Variants in FRAS1 observed in about 807,000 individuals in gnomAD.
The protein encoded by FRAS1 is Fraser extracellular matrix complex subunit 1.
FRAS1 carries 290 observed loss-of-function variants against 435.2 expected under a neutral mutation model. That is an observed-to-expected ratio of 0.67 (90% CI 0.61 to 0.73). FRAS1 has a LOEUF of 0.73. Among genes scored for constraint, FRAS1 ranks in the 30% least tolerant of loss-of-function variants. The pLI is 0.00. For missense variants in FRAS1, 4,860 were observed against 5,001.5 expected (o/e 0.97, Z 0.85); for synonymous variants, 1,800 against 1,851.0 (o/e 0.97, Z 0.71).
At chr4:78,086,381 CA>C (rs1436473312) in intron 2 of FRAS1, among the ~76,000 whole-genome samples, 1 of 152,064 alleles carries the variant, frequency 6.6e-6, no homozygotes, top group Admixed American at 6.6e-5. Context: ...GAAGCAAGAG[CA>C]AACACATTCA....
At chr4:78,531,413 G>A (rs1016681786) in intron 70 of FRAS1, among the ~76,000 whole-genome samples, 4 of 152,138 alleles carry the variant, frequency 2.6e-5, no homozygotes, top group Non-Finnish European at 5.9e-5. Flanking sequence ...TCCTTGTCTT[G>A]TGCAGGTTTT....
At chr4:78,115,239 T>C (rs1181970749) in intron 2 of FRAS1, among the ~76,000 whole-genome samples, 1 of 152,128 alleles carries the variant, frequency 6.6e-6, no homozygotes, top group Admixed American at 6.6e-5. Context: ...GCCAGTATTT[T>C]ATTGAGGATT....
intron 1 of FRAS1, among the ~76,000 whole-genome samples, chr4:78,058,819 C>G (rs933561200): frequency 6.6e-6 from 1 of 152,348 alleles, no homozygotes; most frequent in African/African-American, 2.4e-5. Context: ...GCCATGATAT[C>G]AAATGCAATC....
At chr4:78,341,894 A>T (rs1266359487) in intron 20 of FRAS1, among the ~76,000 whole-genome samples, 1 of 152,176 alleles carries the variant, frequency 6.6e-6, no homozygotes, top group African/African-American at 2.4e-5. Flanking sequence ...TACTCTAGCT[A>T]CTAGGAGCTT....
chr4:78,522,771 C>G lies in FRAS1; in HGVS notation c.10771C>G (p.Pro3591Ala). The G allele has an allele frequency of 1.2e-6, 2 of 1,611,874 alleles. No individual in the cohort carries two copies. The highest frequency in any genetic ancestry group is 1.1e-5 in the South Asian group (1 of 90,572). ...LLWSAQTFDS[P>A]HQLWRATSSY... ...ATGGAGCGCTCAGACTTTTGATTCT[C>G]CACATCAACTCTGGAGAGCCACAAG... The change falls in exon 69 of 74, where the codon CCA becomes GCA. Residue 3591 changes from proline (P) to alanine (A), a missense_variant. Physicochemically the swap from Pro to Ala is conservative, Grantham distance 27 (BLOSUM62 -1). Coordinates refer to ENST00000512123, the MANE Select transcript of FRAS1 (RefSeq NM_025074.7).
chr4:78,129,833 G>A (rs956594284), intron 2 of FRAS1, among the ~76,000 whole-genome samples: 7 of 152,136 alleles, frequency 4.6e-5, no homozygotes, highest in South Asian at 2.1e-4. Context: ...TTCTAATCTA[G>A]TTTCTTCCCA....
chr4:78,499,549 G>GCCC (rs931132675), intron 60 of FRAS1, among the ~76,000 whole-genome samples, 172 bp from the exon 61 acceptor site: 12 of 152,168 alleles, frequency 7.9e-5, no homozygotes, highest in African/African-American at 2.7e-4. Flanking sequence ...TTTTTCCAAA[G>GCCC]CATTGTTTAG....
In FRAS1 at chr4:78,181,085, C is replaced by T. The variant is rs1361253063; in HGVS notation, c.109-56425C>T. On this transcript the variant is annotated intron_variant, in intron 2 of 73. Coordinates refer to ENST00000512123, the MANE Select transcript of FRAS1 (RefSeq NM_025074.7). ...GGAAATGATGGTCCATAACTGAATC[C>T]TCAGCATAAGCCTCTTCACTCTTTG... The T allele has an allele frequency of 1.3e-5, 20 of 1,561,954 alleles. 1 individual carries two copies. In the South Asian group the frequency reaches 1.9e-4, roughly 15 times the overall value.
At chr4:78,403,608 G>A (rs1000492328) in intron 30 of FRAS1, among the ~76,000 whole-genome samples, 2 of 152,140 alleles carry the variant, frequency 1.3e-5, no homozygotes, top group African/African-American at 2.4e-5. Flanking sequence ...AAGAGCTGAC[G>A]CCTTGAAACA....
At chr4:78,261,322 T>G (rs1037349271) in intron 6 of FRAS1, among the ~76,000 whole-genome samples, 3 of 134,596 alleles carry the variant, frequency 2.2e-5, no homozygotes, top group African/African-American at 8.0e-5. Context: ...TAAACATTTT[T>G]GTTTAGATCC....
chr4:78,226,759 A>T (rs1380353726), intron 2 of FRAS1, among the ~76,000 whole-genome samples: 5 of 152,026 alleles, frequency 3.3e-5, no homozygotes, highest in East Asian at 1.9e-4. Context: ...GCCATATTTT[A>T]AAAAAATTTT....
At chr4:78,097,346 C>A (rs1487226235) in intron 2 of FRAS1, among the ~76,000 whole-genome samples, 1 of 152,310 alleles carries the variant, frequency 6.6e-6, no homozygotes, top group Non-Finnish European at 1.5e-5. Flanking sequence ...CTGTTCCAAC[C>A]TCTGCCTGTT....
rs763914219 is a variant in FRAS1, at chr4:78,430,364, A to C, written c.4916A>C (p.Gln1639Pro). The stretch of plus-strand genomic sequence containing the variant: ...TTCTTTGAGCTTCGGAGACCTCCAC[A>C]GCATGGTGTGCTTCTTAAGCATACA... ...ELFFELRRPP[Q>P]HGVLLKHTAE... is the part of the protein sequence containing the mutation. Residue 1639 changes from glutamine (Q) to proline (P), a missense_variant, in exon 37 of 74, where the codon CAG becomes CCG. Coordinates refer to ENST00000512123, the MANE Select transcript of FRAS1 (RefSeq NM_025074.7). The C allele has an allele frequency of 1.9e-6, 3 of 1,613,896 alleles. No individual in the cohort carries two copies. The highest frequency in any genetic ancestry group is 3.3e-5 in the Admixed American group (2 of 60,008).
At chr4:78,513,615 T>C in intron 65 of FRAS1, 63 bp downstream of exon 65, 3 of 1,434,776 alleles carry the variant, frequency 2.1e-6, no homozygotes, top group Non-Finnish European at 2.9e-6. Context: ...ACTTTCAGGA[T>C]ATGCCAGAGT....
intron 10 of FRAS1, among the ~76,000 whole-genome samples, chr4:78,279,013 C>CT (rs1727196232): frequency 6.6e-6 from 1 of 152,114 alleles, no homozygotes; most frequent in Non-Finnish European, 1.5e-5. Context: ...CTGAGGAGCA[C>CT]TACATAGAAG....
intron 32 of FRAS1, among the ~76,000 whole-genome samples, chr4:78,416,436 T>C (rs1262849257): frequency 1.3e-5 from 2 of 150,916 alleles, no homozygotes; most frequent in Non-Finnish European, 1.5e-5. Flanking sequence ...AAAATAGTTA[T>C]GATGGTTAAA....
intron 20 of FRAS1, among the ~76,000 whole-genome samples, chr4:78,345,640 T>C (rs2110277322): frequency 6.6e-6 from 1 of 152,258 alleles, no homozygotes; most frequent in Non-Finnish European, 1.5e-5. Flanking sequence ...ATTTCTCATC[T>C]TGTCACCCTA....
At chr4:78,069,601 A>G (rs966382409) in intron 2 of FRAS1, among the ~76,000 whole-genome samples, 12 of 152,102 alleles carry the variant, frequency 7.9e-5, no homozygotes, top group Non-Finnish European at 1.6e-4. Flanking sequence ...TGAAATGAGG[A>G]CAAAGAAAGC....
chr4:78,149,813 T>C (rs1338262919), intron 2 of FRAS1, among the ~76,000 whole-genome samples: 1 of 152,138 alleles, frequency 6.6e-6, no homozygotes, highest in African/African-American at 2.4e-5. Flanking sequence ...AGTTTTGCCC[T>C]GGGAAAGCAG....
Sources: allele counts gnomAD v4.1 joint callset (sites outside exome capture counted in the v4.1 genomes callset), GRCh38; gene constraint gnomAD v4.1.1; transcripts MANE v1.5; gene names NCBI Gene and HGNC (gene_info 2026-07-23, HGNC 2026-07-21).